Variants in SPATA16 observed in about 807,000 individuals in gnomAD.
SPATA16 encodes the protein spermatogenesis-associated protein 16.
Under a neutral mutation model 63.3 loss-of-function variants are expected in SPATA16, and 36 were observed. The ratio of observed to expected loss-of-function variants is 0.57; its 90% CI spans 0.44 to 0.75. The LOEUF is 0.75. Among genes scored for constraint, SPATA16 ranks in the 30% least tolerant of loss-of-function variants. The pLI is 0.00. For synonymous variants in SPATA16, 203 were observed against 216.7 expected, an observed-to-expected ratio of 0.94 and a Z score of 0.56; for missense variants, 646 against 679.3, an observed-to-expected ratio of 0.95 and a Z score of 0.54.
intron 3 of SPATA16, among the ~76,000 whole-genome samples, chr3:173,020,287 C>T (rs556214829): frequency 1.3e-4 from 19 of 149,322 alleles, no homozygotes; most frequent in South Asian, 1.3e-3. Flanking sequence ...AGCGAGACTT[C>T]GTCTCAGAAA....
chr3:172,966,873 T>TA (rs754401111), intron 5 of SPATA16, among the ~76,000 whole-genome samples: 91 of 152,250 alleles, frequency 6.0e-4, no homozygotes, highest in Middle Eastern at 3.4e-3. Flanking sequence ...CTCCAACTGC[T>TA]AAAAAAAGTG....
intron 2 of SPATA16, among the ~76,000 whole-genome samples, chr3:173,061,563 A>C (rs1293365807): frequency 6.6e-6 from 1 of 152,210 alleles, no homozygotes; most frequent in African/African-American, 2.4e-5. Context: ...GGATCTTTAA[A>C]ATTTCTTTTC....
At chr3:172,977,875 C>T (rs1371282113) in intron 4 of SPATA16, among the ~76,000 whole-genome samples, 1 of 152,088 alleles carries the variant, frequency 6.6e-6, no homozygotes, top group Admixed American at 6.6e-5. Context: ...TTAAGTAGAG[C>T]TATGACTGTG....
intron 2 of SPATA16, among the ~76,000 whole-genome samples, chr3:173,111,835 C>A (rs1220885648): frequency 1.3e-5 from 2 of 152,130 alleles, no homozygotes; most frequent in East Asian, 3.9e-4. Context: ...TAACATTTAC[C>A]ATAAAGAATG....
intron 5 of SPATA16, among the ~76,000 whole-genome samples, chr3:172,970,998 G>A (rs1283582021): frequency 2.6e-5 from 4 of 152,128 alleles, no homozygotes; most frequent in Admixed American, 6.5e-5. Context: ...ATCATTATTA[G>A]TATAAGTAAT....
intron 3 of SPATA16, among the ~76,000 whole-genome samples, chr3:173,036,737 T>G (rs1451982871): frequency 6.6e-6 from 1 of 152,044 alleles, no homozygotes; most frequent in Non-Finnish European, 1.5e-5. Flanking sequence ...TTTGTTCATA[T>G]AAGTCAACCA....
Position 173,112,810 on chromosome 3 carries a change from G to T in SPATA16, c.612+4310C>A, listed in dbSNP as rs113343076. On this transcript the variant is annotated intron_variant, in intron 2 of 10. Transcript: ENST00000351008. ...TTCTGGTTGGTAATGGATGGGTCTT[G>T]TTCTGTCTTCTTTGATGGGTTTAAT... 3.0e-3 allele frequency among the ~76,000 whole-genome samples: 451 copies of T among 152,296 alleles called. 3 individuals carry two copies. Among genetic ancestry groups the T allele is most frequent in the African/African-American group, 0.01 (434 of 41,572 alleles).
chr3:173,064,737 T>C (rs7638139), intron 2 of SPATA16, among the ~76,000 whole-genome samples: 36,659 of 152,032 alleles, frequency 0.24, 6,068 homozygotes, highest in African/African-American at 0.48. Context: ...ATATTAAAAG[T>C]TTTGCTTATT....
chr3:173,139,326 T>G (rs1738636147), intron 1 of SPATA16, among the ~76,000 whole-genome samples: 1 of 152,204 alleles, frequency 6.6e-6, no homozygotes, highest in Admixed American at 6.5e-5. Context: ...CTATGATAAA[T>G]TAGTCTTTAT....
chr3:173,111,289 A>C (rs1457110430), intron 2 of SPATA16, among the ~76,000 whole-genome samples: 1 of 152,182 alleles, frequency 6.6e-6, no homozygotes, highest in African/African-American at 2.4e-5. Flanking sequence ...ATGCGCCTGT[A>C]ATCCCAGCTA....
chr3:172,983,830 C>T (rs1734378437), intron 4 of SPATA16, among the ~76,000 whole-genome samples: 1 of 152,026 alleles, frequency 6.6e-6, no homozygotes, highest in South Asian at 2.1e-4. Context: ...TCACAATGTT[C>T]TTTCCAAAAA....
chr3:172,925,148 T>A (rs900157353), intron 7 of SPATA16, among the ~76,000 whole-genome samples, 198 bp downstream of exon 7: 6 of 151,940 alleles, frequency 3.9e-5, no homozygotes, highest in African/African-American at 1.5e-4. Context: ...GATGATTAGA[T>A]GATTAGAGTG....
intron 4 of SPATA16, among the ~76,000 whole-genome samples, chr3:173,002,167 TTTATGC>T (rs1489509788): frequency 6.6e-6 from 1 of 152,204 alleles, no homozygotes; most frequent in Admixed American, 6.5e-5. Context: ...TTGGGAGTTT[TTTATGC>T]TTGGTTCCTG....
intron 2 of SPATA16, 149 bp from the exon 3 acceptor site, chr3:173,049,243 C>A: frequency 1.4e-6 from 1 of 733,526 alleles, no homozygotes; most frequent in Non-Finnish European, 2.1e-6. Context: ...ATATATGATG[C>A]TTTTTCCAAA....
At chr3:172,906,729 A>C (rs79968728) in intron 10 of SPATA16, among the ~76,000 whole-genome samples, 2 of 151,662 alleles carry the variant, frequency 1.3e-5, no homozygotes, top group Non-Finnish European at 2.9e-5. Flanking sequence ...ACTTCTCTCT[A>C]ATACATTTTA....
intron 3 of SPATA16, among the ~76,000 whole-genome samples, chr3:173,023,144 TGTGTG>T (rs1735374736): frequency 2.7e-5 from 4 of 150,758 alleles, no homozygotes; most frequent in African/African-American, 7.3e-5. Flanking sequence ...TGTATGTGTG[TGTGTG>T]TGTGTGTGTG....
chr3:172,995,544 A>G (rs1734676037), intron 4 of SPATA16, among the ~76,000 whole-genome samples: 1 of 152,092 alleles, frequency 6.6e-6, no homozygotes. Flanking sequence ...TAGAAAAAGA[A>G]CATGTTCTTA....
chr3:173,135,797 G>A (rs939003031), intron 1 of SPATA16, among the ~76,000 whole-genome samples: 11 of 152,146 alleles, frequency 7.2e-5, no homozygotes, highest in African/African-American at 9.7e-5. Flanking sequence ...GTAGTAACTC[G>A]AATGGAACAG....
intron 6 of SPATA16, among the ~76,000 whole-genome samples, chr3:172,927,862 T>A (rs1732776254): frequency 6.6e-6 from 1 of 152,178 alleles, no homozygotes; most frequent in Non-Finnish European, 1.5e-5. Flanking sequence ...GAGTGACTTT[T>A]AGGCATCTTA....
Sources: gnomAD v4.1 joint callset for allele counts (sites outside exome capture counted in the v4.1 genomes callset) on GRCh38, gnomAD v4.1.1 for gene constraint, MANE v1.5 for transcripts, NCBI Gene and HGNC (gene_info 2026-07-23, HGNC 2026-07-21) for gene names.